USH2A: variants seen among roughly 807,000 people sequenced by gnomAD.
The protein encoded by USH2A is usherin.
In USH2A, 443 loss-of-function variants were observed where a neutral mutation model predicts 538.9. The ratio of observed to expected loss-of-function variants is 0.82; its 90% CI spans 0.76 to 0.89. The LOEUF is 0.89. USH2A is among the 40% of genes least tolerant of loss of function. USH2A has a pLI of 0.00. For missense variants in USH2A, 6,633 were observed against 6,324.8 expected (o/e 1.05, Z -1.65); for synonymous variants, 2,413 against 2,273.5 (o/e 1.06, Z -1.75).
intron 61 of USH2A, among the ~76,000 whole-genome samples, chr1:215,724,533 A>G (rs1659756142): frequency 6.6e-6 from 1 of 152,144 alleles, no homozygotes; most frequent in South Asian, 2.1e-4. Flanking sequence ...TATTTGTGCG[A>G]CGGTTACACT....
At chr1:215,770,275 A>G (rs1242277047) in intron 55 of USH2A, among the ~76,000 whole-genome samples, 1 of 152,148 alleles carries the variant, frequency 6.6e-6, no homozygotes, top group East Asian at 1.9e-4. Context: ...TAAGTTACTC[A>G]ATGGCTGCCT....
intron 4 of USH2A, among the ~76,000 whole-genome samples, chr1:216,355,310 A>AGAAAGAAAGAAAGAAAGAAAGAAG (rs1166948488): frequency 7.3e-5 from 2 of 27,230 alleles, no homozygotes; most frequent in African/African-American, 1.4e-4. Context: ...TGCTTCAAAA[A>AGAAAGAAAGAAAGAAAGAAAGAAG]GAAAGAAAGA....
intron 2 of USH2A, among the ~76,000 whole-genome samples, chr1:216,420,764 G>T (rs2039662068): frequency 6.6e-6 from 1 of 152,098 alleles, no homozygotes; most frequent in South Asian, 2.1e-4. Context: ...AGAAAACAAG[G>T]TTTTCTTTGA....
At chr1:216,074,142 T>C (rs1558244161) in intron 27 of USH2A, among the ~76,000 whole-genome samples, 1 of 152,204 alleles carries the variant, frequency 6.6e-6, no homozygotes, top group East Asian at 1.9e-4. Flanking sequence ...TATTCACCAC[T>C]TTTTTGTTAG....
chr1:216,142,945 G>A (rs910127559), intron 21 of USH2A, among the ~76,000 whole-genome samples: 1 of 151,954 alleles, frequency 6.6e-6, no homozygotes, highest in Non-Finnish European at 1.5e-5. Context: ...AGAAAAATAG[G>A]TCCCTCTTCT....
chr1:216,075,643 G>C (rs2102551681), intron 27 of USH2A, among the ~76,000 whole-genome samples: 1 of 152,244 alleles, frequency 6.6e-6, no homozygotes, highest in Middle Eastern at 3.4e-3. Context: ...CCATGGAGGG[G>C]TTTGGGCAGA....
chr1:215,649,340 G>T (rs1558037378), intron 65 of USH2A, among the ~76,000 whole-genome samples: 2 of 152,084 alleles, frequency 1.3e-5, no homozygotes, highest in East Asian at 1.9e-4. Context: ...ATCTTTGTAG[G>T]ATTATAAAGT....
At chr1:216,009,694 G>C (rs964716555) in intron 32 of USH2A, among the ~76,000 whole-genome samples, 1 of 151,796 alleles carries the variant, frequency 6.6e-6, no homozygotes, top group South Asian at 2.1e-4. Flanking sequence ...ACTGCTCCTC[G>C]CCAGGCCAAG....
chr1:216,030,415 ATATAT>A (rs1669086054), intron 32 of USH2A, among the ~76,000 whole-genome samples: 1 of 134,338 alleles, frequency 7.4e-6, no homozygotes, highest in Non-Finnish European at 1.5e-5. Flanking sequence ...ATATATAGAT[ATATAT>A]CACAGACATA....
rs376345242 is a variant in USH2A at position 216,146,396 on chromosome 1, C to A, written c.4627+28856G>T. 2.6e-5 allele frequency among the ~76,000 whole-genome samples: 4 copies of A among 152,192 alleles called. No homozygotes were observed. The South Asian group carries it at 8.3e-4, about 32-fold the overall frequency. On this transcript the variant is annotated intron_variant, in intron 21 of 71. Coordinates refer to ENST00000307340, the MANE Select transcript of USH2A (RefSeq NM_206933.4). ...CGCTGGTCACAGACTGGGAAGGCAG[C>A]CTTCCCTTGGTGTTTAATCATTGCA...
intron 49 of USH2A, among the ~76,000 whole-genome samples, chr1:215,805,645 T>C (rs535336523): frequency 6.6e-6 from 1 of 152,164 alleles, no homozygotes; most frequent in African/African-American, 2.4e-5. Flanking sequence ...AATAAATCCA[T>C]GCCTGGCTTC....
chr1:216,094,796 G>T (rs78214008), intron 22 of USH2A, among the ~76,000 whole-genome samples: 2,614 of 152,080 alleles, frequency 0.017, 75 homozygotes, highest in African/African-American at 0.06. Context: ...GAGCTCAATT[G>T]CTTGTGTTTA....
intron 30 of USH2A, among the ~76,000 whole-genome samples, chr1:216,055,274 G>A (rs1049951519): frequency 4.6e-5 from 7 of 152,216 alleles, no homozygotes; most frequent in Admixed American, 3.3e-4. Flanking sequence ...AGAAAGTGAG[G>A]GTGGGCAAGA....
At chr1:215,782,388 G>A (rs1474164517) in intron 53 of USH2A, among the ~76,000 whole-genome samples, 192 bp from the exon 54 acceptor site, 1 of 128,524 alleles carries the variant, frequency 7.8e-6, no homozygotes, top group Non-Finnish European at 1.7e-5. Flanking sequence ...TGACATAAAT[G>A]ATAAGAGTCA....
At position 215,623,675 on chromosome 1, in the gene USH2A, A is replaced by G. The variant is rs983132301; in HGVS notation, c.*2106T>C. The G allele has an allele frequency of 5.9e-5, 9 of 152,264 alleles. No individual in the cohort carries two copies. The highest frequency in any genetic ancestry group is 3.9e-4 in the Admixed American group (6 of 15,288). 9.4% of individuals were successfully genotyped at this position (152,264 alleles called of 1,614,324 possible). A position where few individuals can be genotyped will look rare whatever the true frequency, so the allele number is the denominator to read the frequency against. Reference sequence around the variant, plus strand: ...TATGGAGTCAAAATGTAAATGATTCAGCTAACTGAGTTCATGTCTAATTAG... The same window carrying G: ...TATGGAGTCAAAATGTAAATGATTCGGCTAACTGAGTTCATGTCTAATTAG... On this transcript the variant is annotated 3_prime_UTR_variant, in exon 72 of 72. Coordinates refer to ENST00000307340, the MANE Select transcript of USH2A (RefSeq NM_206933.4).
At chr1:216,211,959 A>AT (rs1008358937) in intron 15 of USH2A, among the ~76,000 whole-genome samples, 1 of 152,042 alleles carries the variant, frequency 6.6e-6, no homozygotes. Flanking sequence ...GTAATTTAAC[A>AT]TTTTTTAGTG....
In USH2A at chr1:215,786,858, C is replaced by CTG; in HGVS notation, c.10197_10198dup (p.Arg3400ThrfsTer29). The CTG allele has an allele frequency of 6.2e-7, 1 of 1,613,834 alleles. No individual in the cohort carries two copies. Among genetic ancestry groups the CTG allele is most frequent in the African/African-American group, 1.3e-5 (1 of 75,020 alleles). On this transcript the variant is annotated frameshift_variant, in exon 52 of 72. Transcript: ENST00000307340. LOFTEE classifies it high-confidence loss of function. ...TTCCATAGATGCTGGGCAGAGGATCCTGCACTCTTTGGTTTCCTGAGTCAA... is the reference window on the plus strand; with the variant it reads ...TTCCATAGATGCTGGGCAGAGGATCCTGTGCACTCTTTGGTTTCCTGAGTCAA...
intron 49 of USH2A, among the ~76,000 whole-genome samples, chr1:215,807,208 G>T (rs1662529384): frequency 6.6e-6 from 1 of 152,100 alleles, no homozygotes. Flanking sequence ...GCAAGAAAAT[G>T]GATTCTCTCC....
intron 47 of USH2A, among the ~76,000 whole-genome samples, chr1:215,832,689 G>A (rs1365651972): frequency 6.6e-6 from 1 of 151,798 alleles, no homozygotes; most frequent in Non-Finnish European, 1.5e-5. Flanking sequence ...CAAAGATTGG[G>A]AACAAGTCAA....
Sources: allele counts gnomAD v4.1 joint callset (sites outside exome capture counted in the v4.1 genomes callset), GRCh38; gene constraint gnomAD v4.1.1; transcripts MANE v1.5; gene names NCBI Gene and HGNC (gene_info 2026-07-23, HGNC 2026-07-21).